The following IGSF11 variants were observed in gnomAD, a reference collection of about 807,000 sequenced individuals.
The protein encoded by IGSF11 is CXADR like 1.
A neutral mutation model predicts 41.0 loss-of-function variants in IGSF11; 22 were observed. That is an observed-to-expected ratio of 0.54 (90% CI 0.38 to 0.77). The LOEUF (loss-of-function observed/expected upper bound fraction) is 0.77. Among genes scored for constraint, IGSF11 ranks in the 30% least tolerant of loss-of-function variants. The probability of loss-of-function intolerance (pLI) is 0.00; values close to 1 mark genes in which losing one functional copy is unlikely to be tolerated. For missense variants in IGSF11, 444 were observed against 530.8 expected, an observed-to-expected ratio of 0.84 and a Z score of 1.61; for synonymous variants, 219 against 201.3, an observed-to-expected ratio of 1.09 and a Z score of -0.74.
chr3:119,001,664 TC>T (rs1428954822), intron 1 of IGSF11, among the ~76,000 whole-genome samples: 1 of 137,308 alleles, frequency 7.3e-6, no homozygotes, highest in African/African-American at 2.7e-5. Flanking sequence ...ATATTCCCCT[TC>T]CTGTGTCCAT....
At chr3:118,926,458 T>C (rs1219862647) in intron 3 of IGSF11, among the ~76,000 whole-genome samples, 3 of 152,180 alleles carry the variant, frequency 2.0e-5, no homozygotes, top group Non-Finnish European at 4.4e-5. Context: ...CCTGCAGCTT[T>C]GGTAAGCAGG....
chr3:119,094,684 T>C (rs2107498942), intron 1 of IGSF11, among the ~76,000 whole-genome samples: 1 of 151,558 alleles, frequency 6.6e-6, no homozygotes, highest in Middle Eastern at 3.4e-3. Context: ...TTTTTTTTTT[T>C]TTTTTAGACT....
intron 5 of IGSF11, among the ~76,000 whole-genome samples, chr3:118,905,106 C>A (rs1036851527): frequency 1.3e-5 from 2 of 152,152 alleles, no homozygotes; most frequent in African/African-American, 4.8e-5. Flanking sequence ...CTGGTCTACC[C>A]TACATGAATG....
chr3:119,080,591 T>C (rs912634047), intron 1 of IGSF11, among the ~76,000 whole-genome samples: 1 of 152,174 alleles, frequency 6.6e-6, no homozygotes, highest in Non-Finnish European at 1.5e-5. Flanking sequence ...TTTTTAGTCA[T>C]TTTGATTAAA....
At chr3:119,034,494 C>T in intron 1 of IGSF11, 37 bp downstream of exon 1, 1 of 1,524,966 alleles carries the variant, frequency 6.6e-7, no homozygotes, top group African/African-American at 1.4e-5. Context: ...CCGACCCGGC[C>T]TGGCCCCACC....
At chr3:118,969,701 T>G (rs965552956) in intron 1 of IGSF11, among the ~76,000 whole-genome samples, 1 of 152,218 alleles carries the variant, frequency 6.6e-6, no homozygotes, top group Non-Finnish European at 1.5e-5. Flanking sequence ...TGCTGAATGG[T>G]GAAAATTAAA....
At chr3:118,990,048 G>A (rs1935639511) in intron 1 of IGSF11, among the ~76,000 whole-genome samples, 1 of 152,168 alleles carries the variant, frequency 6.6e-6, no homozygotes, top group Non-Finnish European at 1.5e-5. Flanking sequence ...TTGAGGCACA[G>A]TAATAAACAG....
chr3:118,993,998 T>C lies in IGSF11; in HGVS notation c.52+40533A>G, dbSNP rs566939896. 3.3e-5 allele frequency among the ~76,000 whole-genome samples: 5 copies of C among 152,354 alleles called. No homozygotes were observed. The South Asian group carries it at 1.0e-3, about 32-fold the overall frequency. On this transcript the variant is annotated intron_variant, in intron 1 of 6. Transcript: ENST00000393775. ...AAACAATCAAATTGTACACTGTACATTGGTAAATGTTGTGGTATATGAATT... is the reference window on the plus strand; with the variant it reads ...AAACAATCAAATTGTACACTGTACACTGGTAAATGTTGTGGTATATGAATT...
chr3:118,902,640 G>A lies in IGSF11; in HGVS notation c.1176C>T (p.Val392=). 2 of 1,614,086 alleles carry A rather than the reference G, an allele frequency of 1.2e-6. No individual in the cohort carries two copies. Among genetic ancestry groups the A allele is most frequent in the Non-Finnish European group, 1.7e-6 (2 of 1,179,978 alleles). The part of the protein sequence containing the change: ...PQVMSRSNGS[V]SRKPRPPHTH... Reference sequence around the variant, plus strand: ...TGTGTGGAGGCCGAGGCTTCCTACTGACTGAGCCATTGCTCCTGGACATCA... The same window carrying A: ...TGTGTGGAGGCCGAGGCTTCCTACTAACTGAGCCATTGCTCCTGGACATCA... Residue 392 remains valine, a synonymous_variant, in exon 7 of 7, where the codon GTC becomes GTT. Transcript: ENST00000393775.
chr3:118,952,444 T>C (rs1445304682), intron 1 of IGSF11, among the ~76,000 whole-genome samples: 1 of 152,200 alleles, frequency 6.6e-6, no homozygotes, highest in Admixed American at 6.5e-5. Flanking sequence ...TAAGTTGATA[T>C]GATATTCTAA....
chr3:118,922,406 C>T (rs879300254), intron 4 of IGSF11, among the ~76,000 whole-genome samples: 2 of 123,050 alleles, frequency 1.6e-5, no homozygotes, highest in African/African-American at 4.8e-5. Context: ...CACATAACTA[C>T]CTTTGTGTGT....
At chr3:119,081,112 A>G (rs912924969) in intron 1 of IGSF11, among the ~76,000 whole-genome samples, 1 of 152,194 alleles carries the variant, frequency 6.6e-6, no homozygotes, top group Non-Finnish European at 1.5e-5. Flanking sequence ...CTGATTGAGC[A>G]TTTGACTGTC....
intron 1 of IGSF11, among the ~76,000 whole-genome samples, chr3:119,074,964 A>G (rs2076468177): frequency 6.6e-6 from 1 of 152,230 alleles, no homozygotes; most frequent in South Asian, 2.1e-4. Context: ...TGCTGGCAAA[A>G]GAAAAGAAAT....
chr3:119,089,381 T>C (rs1024138991), intron 1 of IGSF11, among the ~76,000 whole-genome samples: 1 of 152,084 alleles, frequency 6.6e-6, no homozygotes, highest in African/African-American at 2.4e-5. Flanking sequence ...ACAATATTCC[T>C]TCATGATAAA....
intron 1 of IGSF11, among the ~76,000 whole-genome samples, chr3:119,128,490 T>C (rs13319456): frequency 0.25 from 37,249 of 152,024 alleles, 4,662 homozygotes; most frequent in South Asian, 0.31. Flanking sequence ...ATTGGCGTGC[T>C]GTATTCAGGA....
At chr3:118,984,681 AT>A (rs1269744337) in intron 1 of IGSF11, among the ~76,000 whole-genome samples, 1 of 152,210 alleles carries the variant, frequency 6.6e-6, no homozygotes, top group East Asian at 1.9e-4. Flanking sequence ...CAAGAAGATA[AT>A]TAAGGAAAAA....
intron 1 of IGSF11, among the ~76,000 whole-genome samples, chr3:119,102,542 T>C (rs997109630): frequency 9.9e-5 from 15 of 152,254 alleles, no homozygotes; most frequent in African/African-American, 3.6e-4. Flanking sequence ...GGCTACAGAA[T>C]ACCATTTCCA....
intron 1 of IGSF11, among the ~76,000 whole-genome samples, chr3:119,139,811 T>C (rs1432551691): frequency 6.6e-6 from 1 of 152,204 alleles, no homozygotes; most frequent in African/African-American, 2.4e-5. Flanking sequence ...ACAATAGCTG[T>C]GTGAATGGGT....
rs750677970 is a variant in IGSF11 at position 119,042,898 on chromosome 3, CA to C, written c.49+62245del. ...CAACTCATAACAGAACAACTGTTAC[CA>C]GGGGGTCCTTGTTCTTAGAGCTCCC... On this transcript the variant is annotated intron_variant, in intron 1 of 6. Coordinates refer to the IGSF11 transcript ENST00000354673. 1.3e-4 allele frequency among the ~76,000 whole-genome samples: 20 copies of C among 152,248 alleles called. 1 individual carries two copies. Among genetic ancestry groups the C allele is most frequent in the Admixed American group, 2.0e-4 (3 of 15,302 alleles).
Sources: allele counts gnomAD v4.1 joint callset (sites outside exome capture counted in the v4.1 genomes callset), GRCh38; gene constraint gnomAD v4.1.1; transcripts MANE v1.5; gene names NCBI Gene and HGNC (gene_info 2026-07-23, HGNC 2026-07-21).